Variants in GLIS3 observed in about 807,000 individuals in gnomAD.
GLIS3 encodes GLIS family zinc finger 3, also known as zinc finger protein GLIS3.
Under a neutral mutation model 78.6 loss-of-function variants are expected in GLIS3, and 53 were observed. That is an observed-to-expected ratio of 0.67 (90% confidence interval 0.54 to 0.85). The LOEUF is 0.85. Among genes scored for constraint, GLIS3 ranks in the 40% least tolerant of loss-of-function variants. GLIS3 has a pLI of 0.00. For synonymous variants in GLIS3, 684 were observed against 509.9 expected (o/e 1.34, Z -4.60); for missense variants, 1,703 against 1,231.1 (o/e 1.38, Z -5.74).
intron 2 of GLIS3, among the ~76,000 whole-genome samples, chr9:4,343,208 G>A (rs1817859155): frequency 6.6e-6 from 1 of 152,080 alleles, no homozygotes; most frequent in African/African-American, 2.4e-5. Context: ...CAGGCACGGT[G>A]GCACACCCCT....
intron 9 of GLIS3, among the ~76,000 whole-genome samples, chr9:3,830,524 T>C (rs536201468): frequency 6.6e-6 from 1 of 152,332 alleles, no homozygotes; most frequent in East Asian, 1.9e-4. Flanking sequence ...AAGTGAGTCA[T>C]TGGATAAGGA....
chr9:4,179,513 C>T (rs573866698), intron 2 of GLIS3, among the ~76,000 whole-genome samples: 1 of 152,236 alleles, frequency 6.6e-6, no homozygotes, highest in Non-Finnish European at 1.5e-5. Flanking sequence ...TTAGATGATA[C>T]ATTATTTGGA....
chr9:3,975,320 G>T (rs1448005200), intron 4 of GLIS3: 1 of 152,126 alleles, frequency 6.6e-6, no homozygotes, highest in Non-Finnish European at 1.5e-5. Context: ...AAAGGACTGA[G>T]ATTTGCTTTG....
intron 8 of GLIS3, among the ~76,000 whole-genome samples, chr9:3,875,239 T>G (rs1821237116): frequency 6.6e-6 from 1 of 152,210 alleles, no homozygotes; most frequent in Non-Finnish European, 1.5e-5. Context: ...TAGATCAACA[T>G]TAGGTGATGT....
chr9:4,454,152 A>T, the GLIS3 span, among the ~76,000 whole-genome samples: 2,067 of 20,850 alleles, frequency 0.099, 51 homozygotes, highest in African/African-American at 0.18. Context: ...TATGATGATA[A>T]AAAAAAAAAA....
At chr9:4,271,747 C>T (rs1826533845) in intron 2 of GLIS3, among the ~76,000 whole-genome samples, 1 of 152,118 alleles carries the variant, frequency 6.6e-6, no homozygotes, top group African/African-American at 2.4e-5. Flanking sequence ...CAATGCATTG[C>T]AGTAGAAAGC....
chr9:4,067,172 A>T (rs2130607013), intron 4 of GLIS3, among the ~76,000 whole-genome samples: 1 of 151,272 alleles, frequency 6.6e-6, no homozygotes, highest in East Asian at 1.9e-4. Context: ...TTTTTTTTTA[A>T]TACTTAACAC....
chr9:4,257,592 G>C (rs1375903444), intron 2 of GLIS3, among the ~76,000 whole-genome samples: 1 of 28,694 alleles, frequency 3.5e-5, no homozygotes. Flanking sequence ...GTTATTTTTT[G>C]AGACGGAGTC....
chr9:4,125,670 C>T lies in GLIS3; in HGVS notation c.596+64G>A, dbSNP rs537479768. The T allele has an allele frequency of 2.3e-4, 256 of 1,096,176 alleles. 2 individuals are homozygous for T. Among genetic ancestry groups the T allele is most frequent in the South Asian group, 2.0e-3 (162 of 80,016 alleles). 67.9% of individuals were successfully genotyped at this position (1,096,176 alleles called of 1,614,324 possible). ...TGTGTGTGTGTATTCAGAAAGAGAA[C>T]GGAAAACACTTGTGGGGTGTGTTTA... On this transcript the variant is annotated intron_variant, in intron 3 of 10. Coordinates refer to ENST00000381971, the MANE Select transcript of GLIS3 (RefSeq NM_001042413.2).
At chr9:4,147,754 A>C (rs1834340124) in intron 2 of GLIS3, 1 of 151,698 alleles carries the variant, frequency 6.6e-6, no homozygotes, top group African/African-American at 2.4e-5. Context: ...GGGTCAGAGC[A>C]GGTGGGTGAA....
At chr9:4,294,019 C>T (rs778608311) in intron 1 of GLIS3, among the ~76,000 whole-genome samples, 2 of 152,182 alleles carry the variant, frequency 1.3e-5, no homozygotes, top group African/African-American at 2.4e-5. Flanking sequence ...ATTCTACAAA[C>T]CGCCTTAGAG....
chr9:4,039,267 G>A (rs548531598), intron 4 of GLIS3, among the ~76,000 whole-genome samples: 2 of 152,170 alleles, frequency 1.3e-5, no homozygotes, highest in East Asian at 1.9e-4. Flanking sequence ...AATTGGTGCC[G>A]AGGACCAAAA....
rs546983557 is a variant in GLIS3 at position 4,127,470 on chromosome 9, A to G, written c.389-1529T>C. On this transcript the variant is annotated intron_variant, in intron 2 of 10. Coordinates refer to ENST00000381971, the MANE Select transcript of GLIS3 (RefSeq NM_001042413.2). Reference sequence around the variant, plus strand: ...CCATCTTCTTGTGCCTTAAAAGATCAGTTATAGATATTCTGTTTTCGTAAC... The same window carrying G: ...CCATCTTCTTGTGCCTTAAAAGATCGGTTATAGATATTCTGTTTTCGTAAC... Among the ~76,000 whole-genome samples, 6 of 152,318 alleles carry G rather than the reference A, an allele frequency of 3.9e-5. 1 individual carries two copies. In the East Asian group the frequency reaches 9.6e-4, roughly 24 times the overall value.
At chr9:4,456,732 C>T in the GLIS3 span, among the ~76,000 whole-genome samples, 607 of 152,282 alleles carry the variant, frequency 4.0e-3, 3 homozygotes, top group African/African-American at 0.014. Flanking sequence ...ATTGGCCTAA[C>T]TTCAATACTG....
At chr9:4,171,579 A>G (rs1372685590) in intron 2 of GLIS3, among the ~76,000 whole-genome samples, 3 of 152,218 alleles carry the variant, frequency 2.0e-5, no homozygotes, top group African/African-American at 7.2e-5. Context: ...TAAAGGATTT[A>G]TCTTTAGCTA....
At chr9:4,069,824 T>C (rs1588596774) in intron 4 of GLIS3, among the ~76,000 whole-genome samples, 2 of 152,014 alleles carry the variant, frequency 1.3e-5, no homozygotes, top group Non-Finnish European at 2.9e-5. Context: ...TTGTGCATTT[T>C]AGAAGAAAAA....
At chr9:4,462,615 AC>A in the GLIS3 span, among the ~76,000 whole-genome samples, 3 of 149,972 alleles carry the variant, frequency 2.0e-5, no homozygotes, top group Non-Finnish European at 4.4e-5. Context: ...ACACACACAC[AC>A]ACACACACAC....
chr9:4,254,223 C>T (rs1488735018), intron 2 of GLIS3, among the ~76,000 whole-genome samples: 1 of 152,148 alleles, frequency 6.6e-6, no homozygotes, highest in African/African-American at 2.4e-5. Context: ...TGTTTAATAA[C>T]CTCTATTAGT....
At chr9:4,053,446 T>G (rs1308662901) in intron 4 of GLIS3, among the ~76,000 whole-genome samples, 2 of 152,032 alleles carry the variant, frequency 1.3e-5, no homozygotes, top group Non-Finnish European at 2.9e-5. Context: ...TCACAGCACT[T>G]TCAGATTCCC....
Sources: allele counts gnomAD v4.1 joint callset (sites outside exome capture counted in the v4.1 genomes callset), GRCh38; gene constraint gnomAD v4.1.1; transcripts MANE v1.5; gene names NCBI Gene and HGNC (gene_info 2026-07-23, HGNC 2026-07-21).